Variants in OAS3 observed in about 807,000 individuals in gnomAD.
OAS3 encodes 2'-5'-oligoadenylate synthetase 3.
A neutral mutation model predicts 113.0 loss-of-function variants in OAS3; 107 were observed. The observed-to-expected ratio is 0.95, with a 90% CI of 0.81 to 1.11. The LOEUF is 1.11. Among genes scored for constraint, OAS3 ranks in the 50% most tolerant of loss-of-function variants. OAS3 has a pLI of 0.00. For missense variants in OAS3, 1,258 were observed against 1,389.1 expected, an observed-to-expected ratio of 0.91 and a Z score of 1.50; for synonymous variants, 552 against 573.6, an observed-to-expected ratio of 0.96 and a Z score of 0.54.
At chr12:112,944,159 A>G (rs1324962556) in intron 2 of OAS3, among the ~76,000 whole-genome samples, 2 of 152,136 alleles carry the variant, frequency 1.3e-5, no homozygotes, top group Non-Finnish European at 2.9e-5. Flanking sequence ...GGCACTGCTG[A>G]CTCAGCTGGA....
chr12:112,960,933 AAT>A, intron 7 of OAS3, 136 bp from the exon 8 acceptor site: 2 of 810,322 alleles, frequency 2.5e-6, no homozygotes, highest in Non-Finnish European at 4.0e-6. Flanking sequence ...ATTGTTATTC[AAT>A]GTTATAGTGT....
At chr12:112,957,414 C>G (rs867648128) in intron 7 of OAS3, among the ~76,000 whole-genome samples, 1 of 152,158 alleles carries the variant, frequency 6.6e-6, no homozygotes, top group Non-Finnish European at 1.5e-5. Context: ...TTAGTTGATG[C>G]AGTTTCTTCC....
intron 12 of OAS3, among the ~76,000 whole-genome samples, chr12:112,966,592 T>C (rs2043936247): frequency 6.6e-6 from 1 of 152,218 alleles, no homozygotes. Flanking sequence ...TGTATCCGAA[T>C]TTATTTGGTT....
chr12:112,970,648 G>A lies in OAS3; in HGVS notation c.*675G>A, dbSNP rs923145932. 5 of 153,932 alleles carry A rather than the reference G, an allele frequency of 3.2e-5. No homozygotes were observed. The highest frequency in any genetic ancestry group is 1.2e-4 in the African/African-American group (5 of 41,594). The allele number at this position is 153,932 out of a possible 1,614,324, so 9.5% of individuals were successfully genotyped here. A position where few individuals can be genotyped will look rare whatever the true frequency, so the allele number is the denominator to read the frequency against. ...AAGAAGGTGCTTGCAGGTTTACAGT[G>A]TATATGTGGGCTATTGAAGAGCCCT... On this transcript the variant is annotated 3_prime_UTR_variant, in exon 16 of 16. Transcript: ENST00000228928.
Position 112,963,487 on chromosome 12 carries a change from G to A in OAS3, c.2229+30G>A, listed in dbSNP as rs371130222. The A allele has an allele frequency of 1.3e-5, 19 of 1,466,764 alleles. No homozygotes were observed. In the African/African-American group the frequency reaches 1.9e-4, roughly 14 times the overall value. The allele number at this position is 1,466,764 out of a possible 1,614,324, so 90.9% of individuals were successfully genotyped here. A position where few individuals can be genotyped will look rare whatever the true frequency, so the allele number is the denominator to read the frequency against. ...GATGGAGGGTCCTGGGGGGCAGGGGGCCCTGCACCCTGCCTTCTAGTCAGG... is the reference window on the plus strand; with the variant it reads ...GATGGAGGGTCCTGGGGGGCAGGGGACCCTGCACCCTGCCTTCTAGTCAGG... On this transcript the variant is annotated intron_variant, in intron 10 of 15. Coordinates refer to ENST00000228928, the MANE Select transcript of OAS3 (RefSeq NM_006187.4). This position sits in a 1 kb window ranked among gnomAD's most constrained non-coding sequence, Gnocchi z 4.6.
chr12:112,955,364 T>C (rs1055153568), intron 7 of OAS3, among the ~76,000 whole-genome samples: 9 of 152,246 alleles, frequency 5.9e-5, no homozygotes, highest in African/African-American at 2.2e-4. Flanking sequence ...CTATGTTGAA[T>C]AGGAGTGGTG....
In OAS3 at chr12:112,962,682, G is replaced by T; in HGVS notation, c.1864G>T (p.Ala622Ser). The change falls in exon 9 of 16, where the codon GCC becomes TCC. Residue 622 changes from alanine (A) to serine (S), a missense_variant. Transcript: ENST00000228928. ...VAAQNKGKGP[A>S]PASLPPAYAL... ...GGCTCAGAACAAAGGAAAAGGACCA[G>T]CCCCTGCCTCTCTGCCCCCAGCCTA... is the stretch of plus-strand genomic sequence containing the variant. The T allele has an allele frequency of 6.2e-7, 1 of 1,613,992 alleles. No homozygotes were observed. Among genetic ancestry groups the T allele is most frequent in the Non-Finnish European group, 8.5e-7 (1 of 1,179,890 alleles).
chr12:112,942,032 C>CTGGGGTTTCTCTG, intron 2 of OAS3, 180 bp downstream of exon 2: 2 of 715,520 alleles, frequency 2.8e-6, no homozygotes, highest in Non-Finnish European at 4.7e-6. Context: ...GGCAGAGAAA[C>CTGGGGTTTCTCTG]CCCAGTTCCT....
chr12:112,965,614 A>G (rs886652867), intron 11 of OAS3, 130 bp from the exon 12 acceptor site: 6 of 793,042 alleles, frequency 7.6e-6, no homozygotes, highest in Non-Finnish European at 9.8e-6. Context: ...TTCTTACCAT[A>G]TTAAAGATCT....
At chr12:112,943,296 C>G (rs1308148568) in intron 2 of OAS3, among the ~76,000 whole-genome samples, 1 of 152,160 alleles carries the variant, frequency 6.6e-6, no homozygotes, top group African/African-American at 2.4e-5. Flanking sequence ...ATTCCAAGAA[C>G]TTGACATGTT....
chr12:112,952,053 T>C (rs1056739113), intron 7 of OAS3, among the ~76,000 whole-genome samples: 1 of 152,136 alleles, frequency 6.6e-6, no homozygotes, highest in Non-Finnish European at 1.5e-5. Context: ...ATAGGTCCTT[T>C]AGATCTAGCT....
At chr12:112,942,146 A>G (rs1032295040) in intron 2 of OAS3, 3 of 558,856 alleles carry the variant, frequency 5.4e-6, no homozygotes, top group South Asian at 5.2e-5. Context: ...CCCTTCCACA[A>G]ATACTCCCGA....
intron 14 of OAS3, among the ~76,000 whole-genome samples, chr12:112,968,976 G>A (rs1030840161): frequency 6.6e-6 from 1 of 152,232 alleles, no homozygotes; most frequent in African/African-American, 2.4e-5. Flanking sequence ...GTGGGGAGTG[G>A]CTACTTAGAA....
At position 112,941,808 on chromosome 12, in the gene OAS3, A is replaced by G; in HGVS notation, c.416A>G (p.Glu139Gly). The change falls in exon 2 of 16, where the codon GAG (glutamate) becomes GGG (glycine). Residue 139 changes from glutamate (E) to glycine (G), a missense_variant. Transcript: ENST00000228928. ...LQFRLTSVDL[E>G]DWMDVSLVPA... ...TTCCGCCTGACATCCGTAGATCTTG[A>G]GGACTGGATGGATGTTAGCCTGGTG... 1.2e-6 allele frequency: 2 copies of G among 1,613,986 alleles called. No individual in the cohort carries two copies. Among genetic ancestry groups the G allele is most frequent in the Non-Finnish European group, 1.7e-6 (2 of 1,179,880 alleles).
intron 3 of OAS3, chr12:112,944,942 G>T: frequency 4.6e-6 from 2 of 430,390 alleles, no homozygotes; most frequent in South Asian, 4.3e-5. Flanking sequence ...TTATTTGTAG[G>T]ACAAAATATC....
Position 112,971,700 on chromosome 12 carries a change from T to C in OAS3, c.*1727T>C, listed in dbSNP as rs1249137966. ...GGATGGGAAGAGCCTTCCCTCATTA[T>C]TGTCATTCTTGGAGAGAGGTGAGCA... On this transcript the variant is annotated 3_prime_UTR_variant, in exon 16 of 16. Transcript: ENST00000228928. The C allele has an allele frequency of 6.6e-6, 1 of 152,240 alleles. No individual in the cohort carries two copies. Among genetic ancestry groups the C allele is most frequent in the Non-Finnish European group, 1.5e-5 (1 of 68,038 alleles). The allele number at this position is 152,240 out of a possible 1,614,324, so 9.4% of individuals were successfully genotyped here.
chr12:112,941,489 G>A (rs534466731), intron 1 of OAS3, 81 bp from the exon 2 acceptor site: 2 of 1,476,998 alleles, frequency 1.4e-6, no homozygotes, highest in Non-Finnish European at 1.9e-6. Flanking sequence ...CAGCACACTT[G>A]CCTCACTCAA....
At chr12:112,966,234 G>C (rs1177361795) in intron 12 of OAS3, among the ~76,000 whole-genome samples, 1 of 152,194 alleles carries the variant, frequency 6.6e-6, no homozygotes, top group Non-Finnish European at 1.5e-5. Flanking sequence ...CACTCTGTGG[G>C]CTAACAGTGG....
chr12:112,938,515 C>T lies in OAS3; in HGVS notation c.-16C>T, dbSNP rs3815178. ...CGCCAGAGCCCTGCTTCCCCTTGCA[C>T]CTGCGCCGGGCGGCCATGGACTTGT... On this transcript the variant is annotated 5_prime_UTR_variant, in exon 1 of 16. Coordinates refer to ENST00000228928, the MANE Select transcript of OAS3 (RefSeq NM_006187.4). The T allele has an allele frequency of 0.67, 1,036,366 of 1,555,932 alleles. 350,978 individuals are homozygous for T. Among genetic ancestry groups the T allele is most frequent in the African/African-American group, 0.94 (67,501 of 71,810 alleles).
Sources: allele counts gnomAD v4.1 joint callset (sites outside exome capture counted in the v4.1 genomes callset), GRCh38; gene constraint gnomAD v4.1.1; non-coding constraint Gnocchi (gnomAD v3.1); transcripts MANE v1.5; gene names NCBI Gene and HGNC (gene_info 2026-07-23, HGNC 2026-07-21).